Variants in EIF2B3 observed in about 807,000 individuals in gnomAD.
EIF2B3 encodes translation initiation factor eIF2B subunit gamma.
In EIF2B3, 20 loss-of-function variants were observed where a neutral mutation model predicts 54.1. The observed-to-expected ratio is 0.37, with a 90% CI of 0.26 to 0.54. The LOEUF (loss-of-function observed/expected upper bound fraction) is 0.54. Ranked by LOEUF, EIF2B3 falls within the 20% of genes least tolerant of loss-of-function variation. The probability of loss-of-function intolerance (pLI) is 0.86; values close to 1 mark genes in which losing one functional copy is unlikely to be tolerated. For missense variants in EIF2B3, 448 were observed against 547.8 expected, an observed-to-expected ratio of 0.82 and a Z score of 1.82; for synonymous variants, 153 against 188.1, an observed-to-expected ratio of 0.81 and a Z score of 1.52.
chr1:44,916,528 A>G (rs1431528321), intron 5 of EIF2B3, among the ~76,000 whole-genome samples: 15 of 147,068 alleles, frequency 1.0e-4, no homozygotes, highest in Admixed American at 3.4e-4. Context: ...TTTATTTTCA[A>G]GAAGGGCTCA....
intron 5 of EIF2B3, among the ~76,000 whole-genome samples, chr1:44,920,443 G>A (rs1305753962): frequency 1.3e-5 from 2 of 151,924 alleles, no homozygotes; most frequent in Non-Finnish European, 2.9e-5. Flanking sequence ...TTTTATTATA[G>A]TCACCCTGTT....
At position 44,850,656 on chromosome 1, in the gene EIF2B3, G is replaced by A. The variant is rs201582864; in HGVS notation, c.*295C>T. 1 of 476,110 alleles carries A rather than the reference G, an allele frequency of 2.1e-6. No individual in the cohort carries two copies. The highest frequency in any genetic ancestry group is 3.6e-5 in the Admixed American group (1 of 28,140). 29.5% of individuals were successfully genotyped at this position (476,110 alleles called of 1,614,324 possible). A position where few individuals can be genotyped will look rare whatever the true frequency, so the allele number is the denominator to read the frequency against. ...CAGTCAGAAAGTAGCCTTCCTAGGA[G>A]CTTTACATTGGACAGCTGCTGCCCC... On this transcript the variant is annotated 3_prime_UTR_variant, in exon 12 of 12. Transcript: ENST00000360403.
At chr1:44,965,570 C>T (rs945406400) in intron 3 of EIF2B3, among the ~76,000 whole-genome samples, 1 of 149,526 alleles carries the variant, frequency 6.7e-6, no homozygotes, top group Non-Finnish European at 1.5e-5. Context: ...TACTAAAGTA[C>T]TAATGCTTTT....
intron 5 of EIF2B3, among the ~76,000 whole-genome samples, chr1:44,906,810 C>T (rs778285768): frequency 2.0e-5 from 3 of 152,202 alleles, no homozygotes; most frequent in South Asian, 2.1e-4. Context: ...ACTAAGTTGA[C>T]ATCTATATAT....
chr1:44,957,072 GC>G (rs1380403828), intron 3 of EIF2B3, among the ~76,000 whole-genome samples: 2 of 152,126 alleles, frequency 1.3e-5, no homozygotes, highest in African/African-American at 4.8e-5. Context: ...AGACTAGCTA[GC>G]CTAGGCAACA....
chr1:44,929,666 A>G (rs1643880168), intron 4 of EIF2B3, among the ~76,000 whole-genome samples: 1 of 152,214 alleles, frequency 6.6e-6, no homozygotes, highest in Non-Finnish European at 1.5e-5. Flanking sequence ...CCAGCCATTT[A>G]ACAAAAGAAA....
chr1:44,974,473 TAAA>T (rs79071703), intron 3 of EIF2B3, among the ~76,000 whole-genome samples: 5 of 117,204 alleles, frequency 4.3e-5, no homozygotes, highest in Admixed American at 9.0e-5. Context: ...GACCCTGGTC[TAAA>T]AAAAAAAAAA....
chr1:44,967,292 C>G (rs1311606821), intron 3 of EIF2B3, among the ~76,000 whole-genome samples: 1 of 148,648 alleles, frequency 6.7e-6, no homozygotes, highest in African/African-American at 2.5e-5. Flanking sequence ...AATAAAAATA[C>G]AAAAATTAGC....
chr1:44,950,469 G>A (rs542955623), intron 3 of EIF2B3, among the ~76,000 whole-genome samples: 192 of 152,116 alleles, frequency 1.3e-3, no homozygotes, highest in Non-Finnish European at 2.2e-3. Context: ...AACAATTTTA[G>A]CATGTTATTT....
intron 4 of EIF2B3, among the ~76,000 whole-genome samples, chr1:44,932,972 T>G (rs868810287): frequency 6.6e-6 from 1 of 151,938 alleles, no homozygotes. Flanking sequence ...AAACGTGAGG[T>G]TCAAGATATG....
chr1:44,871,874 C>CTTTTTTT (rs71040515), intron 10 of EIF2B3, among the ~76,000 whole-genome samples: 2 of 118,910 alleles, frequency 1.7e-5, no homozygotes, highest in Non-Finnish European at 1.7e-5. Context: ...ACTTCACAAT[C>CTTTTTTT]TTTTTTTTTT....
intron 4 of EIF2B3, chr1:44,937,351 G>C (rs568145450): frequency 6.6e-6 from 1 of 152,238 alleles, no homozygotes; most frequent in South Asian, 2.1e-4. Context: ...GCCAGGTGCT[G>C]GGAATAAAAT....
chr1:44,941,780 G>A, intron 3 of EIF2B3, 115 bp from the exon 4 acceptor site: 1 of 1,239,442 alleles, frequency 8.1e-7, no homozygotes, highest in Non-Finnish European at 1.2e-6. Flanking sequence ...TACTCTTCAA[G>A]CATTTTTCAT....
intron 5 of EIF2B3, among the ~76,000 whole-genome samples, chr1:44,900,437 A>G (rs1472963962): frequency 7.0e-6 from 1 of 143,098 alleles, no homozygotes; most frequent in Non-Finnish European, 1.5e-5. Context: ...ACAGAGCGAG[A>G]ATCATCTCAA....
intron 3 of EIF2B3, among the ~76,000 whole-genome samples, chr1:44,955,626 G>A (rs764171281): frequency 1.4e-4 from 21 of 151,784 alleles, no homozygotes; most frequent in Admixed American, 3.3e-4. Context: ...CTGACAAAAA[G>A]GCTAATATCC....
intron 4 of EIF2B3, among the ~76,000 whole-genome samples, chr1:44,931,918 A>G (rs958212405): frequency 7.2e-5 from 11 of 152,204 alleles, no homozygotes; most frequent in Non-Finnish European, 1.0e-4. Context: ...GGAGTTCAAG[A>G]TCATCTCTGC....
chr1:44,854,568 GGA>G (rs1654380016), intron 11 of EIF2B3, among the ~76,000 whole-genome samples: 1 of 151,000 alleles, frequency 6.6e-6, no homozygotes, highest in Non-Finnish European at 1.5e-5. Flanking sequence ...ATTAGAATTT[GGA>G]GAGGAGACTG....
intron 11 of EIF2B3, 115 bp downstream of exon 11, chr1:44,857,589 T>C (rs1424507357): frequency 8.1e-6 from 8 of 988,232 alleles, no homozygotes; most frequent in Non-Finnish European, 1.1e-5. Flanking sequence ...TATCAATTTA[T>C]GTTCTCGCCC....
intron 4 of EIF2B3, among the ~76,000 whole-genome samples, chr1:44,930,344 G>A (rs1471281703): frequency 6.6e-6 from 1 of 152,168 alleles, no homozygotes; most frequent in Non-Finnish European, 1.5e-5. Context: ...ATAGTATGTC[G>A]AGTAGATTAA....
Sources: allele counts gnomAD v4.1 joint callset (sites outside exome capture counted in the v4.1 genomes callset), GRCh38; gene constraint gnomAD v4.1.1; transcripts MANE v1.5; gene names NCBI Gene and HGNC (gene_info 2026-07-23, HGNC 2026-07-21).